GRAMD4: variants seen among roughly 807,000 people sequenced by gnomAD.
GRAMD4 encodes GRAM domain containing 4, also known as GRAM domain-containing protein 4.
Under a neutral mutation model 83.9 loss-of-function variants are expected in GRAMD4, and 25 were observed. The observed-to-expected ratio is 0.30, with a 90% CI of 0.22 to 0.42. The LOEUF is 0.42. Among genes scored for constraint, GRAMD4 ranks in the 10% least tolerant of loss-of-function variants. The probability of loss-of-function intolerance (pLI) is 1.00; values close to 1 mark genes in which losing one functional copy is unlikely to be tolerated. For synonymous variants in GRAMD4, 336 were observed against 320.9 expected, an observed-to-expected ratio of 1.05 and a Z score of -0.50; for missense variants, 593 against 788.7, an observed-to-expected ratio of 0.75 and a Z score of 2.97.
intron 4 of GRAMD4, among the ~76,000 whole-genome samples, chr22:46,658,802 C>T (rs1262918675): frequency 1.3e-5 from 2 of 150,670 alleles, no homozygotes; most frequent in Non-Finnish European, 2.9e-5. Flanking sequence ...ACGCTGTGGC[C>T]CCCGCCCCCC....
chr22:46,676,488 TG>T, intron 17 of GRAMD4, 111 bp from the exon 18 acceptor site: 1 of 867,150 alleles, frequency 1.2e-6, no homozygotes, highest in Non-Finnish European at 1.8e-6. Context: ...CAGGTGCCCG[TG>T]GGCCCTGCTG....
At chr22:46,601,516 A>G (rs966530601) in intron 1 of GRAMD4, among the ~76,000 whole-genome samples, 1 of 151,814 alleles carries the variant, frequency 6.6e-6, no homozygotes, top group African/African-American at 2.4e-5. Context: ...TAAAAATTAG[A>G]TCAGGTGCAG....
downstream of GRAMD4, chr22:46,682,314 C>T (rs1289546192): frequency 1.9e-6 from 1 of 516,510 alleles, no homozygotes; most frequent in African/African-American, 2.1e-5. Context: ...GCATCGCAAG[C>T]TAGGGGAAAT....
chr22:46,606,922 G>T (rs1324277343), intron 1 of GRAMD4, among the ~76,000 whole-genome samples: 5 of 152,210 alleles, frequency 3.3e-5, no homozygotes, highest in African/African-American at 1.2e-4. Flanking sequence ...GTTCTGTTTT[G>T]AATTTTTTGA....
In GRAMD4 at chr22:46,672,720, C is replaced by G. The variant is rs1032972819; in HGVS notation, c.1085-123C>G. 22 of 728,916 alleles carry G rather than the reference C, an allele frequency of 3.0e-5. No homozygotes were observed. In the African/African-American group the frequency reaches 3.9e-4, roughly 13 times the overall value. The allele number at this position is 728,916 out of a possible 1,614,324, so 45.2% of individuals were successfully genotyped here. On this transcript the variant is annotated intron_variant, in intron 13 of 18. Coordinates refer to ENST00000406902, the MANE Select transcript of GRAMD4 (RefSeq NM_015124.5). This position sits in a 1 kb window ranked among gnomAD's most constrained non-coding sequence, Gnocchi z 4.7. ...AGGACTGAGCGAGCAGCTGGACTCT[C>G]ACATCCAGGCTCAGGGTGGAGGGTG...
At chr22:46,646,593 G>C (rs1042329707) in intron 3 of GRAMD4, among the ~76,000 whole-genome samples, 2 of 152,230 alleles carry the variant, frequency 1.3e-5, no homozygotes, top group Non-Finnish European at 2.9e-5. Context: ...GCTGGCGGGG[G>C]TGTCCTTTTG....
intron 4 of GRAMD4, among the ~76,000 whole-genome samples, chr22:46,660,710 C>CGTGCCCTGT (rs2082314123): frequency 6.6e-6 from 1 of 152,214 alleles, no homozygotes; most frequent in Admixed American, 6.5e-5. Flanking sequence ...CTTACCTGGC[C>CGTGCCCTGT]GTGCCCTGTG....
intron 3 of GRAMD4, among the ~76,000 whole-genome samples, chr22:46,646,424 C>A (rs2082073886): frequency 6.6e-6 from 1 of 152,192 alleles, no homozygotes; most frequent in Non-Finnish European, 1.5e-5. Flanking sequence ...CTTCCTGAGG[C>A]CTGCAGACCT....
intron 3 of GRAMD4, among the ~76,000 whole-genome samples, chr22:46,656,052 C>G (rs907843507): frequency 6.6e-6 from 1 of 152,106 alleles, no homozygotes. Context: ...CCCAGTGCCC[C>G]CCACCCCAGC....
intron 15 of GRAMD4, 62 bp downstream of exon 15, chr22:46,673,876 G>C: frequency 6.4e-7 from 1 of 1,572,342 alleles, no homozygotes; most frequent in Non-Finnish European, 8.7e-7. Flanking sequence ...GCCCGTGAGG[G>C]GGGCGCTGTG....
At chr22:46,665,847 A>C in intron 9 of GRAMD4, 141 bp downstream of exon 9, 5 of 588,832 alleles carry the variant, frequency 8.5e-6, no homozygotes, top group South Asian at 2.0e-5. Flanking sequence ...GGCTCCAGAG[A>C]CCCCCCAGGC....
chr22:46,639,650 GC>G (rs990196839), intron 3 of GRAMD4, among the ~76,000 whole-genome samples: 10 of 151,960 alleles, frequency 6.6e-5, no homozygotes, highest in African/African-American at 2.4e-4. Flanking sequence ...GCGTGTGCAT[GC>G]CCGTGTGCAG....
chr22:46,597,929 A>G (rs2081278148), intron 1 of GRAMD4, among the ~76,000 whole-genome samples: 1 of 152,094 alleles, frequency 6.6e-6, no homozygotes, highest in Admixed American at 6.6e-5. Context: ...CCTTTAGAGC[A>G]CTGTACAAGG....
At chr22:46,682,672 A>AC (rs1347973991), downstream of GRAMD4, among the ~76,000 whole-genome samples, 2 of 151,818 alleles carry the variant, frequency 1.3e-5, no homozygotes, top group Non-Finnish European at 2.9e-5. Context: ...TATCGCGAAC[A>AC]CCCCCCAAAA....
chr22:46,599,529 C>G (rs1479344817), intron 1 of GRAMD4, among the ~76,000 whole-genome samples: 1 of 151,936 alleles, frequency 6.6e-6, no homozygotes, highest in Admixed American at 6.6e-5. Flanking sequence ...GTTTCACCCT[C>G]TTGGCCAGGC....
At chr22:46,582,181 CAG>C (rs758963674) in intron 1 of GRAMD4, among the ~76,000 whole-genome samples, 5 of 152,242 alleles carry the variant, frequency 3.3e-5, no homozygotes, top group East Asian at 3.9e-4. Context: ...TCCAAGGAGG[CAG>C]AGCGTGGGGC....
chr22:46,626,945 A>G lies in GRAMD4; in HGVS notation c.146A>G (p.Glu49Gly). ...CCGCGGACCTCGCCCCGGGACAGCG[A>G]GGAGCTGAGGGACCCTGTGAGTACC... ...KVPRTSPRDS[E>G]ELRDPAGPGT... Residue 49 changes from glutamate (E) to glycine (G), a missense_variant, in exon 2 of 19, where the codon GAG becomes GGG. Coordinates refer to ENST00000406902, the MANE Select transcript of GRAMD4 (RefSeq NM_015124.5). The G allele has an allele frequency of 6.2e-7, 1 of 1,613,388 alleles. No individual in the cohort carries two copies. Among genetic ancestry groups the G allele is most frequent in the Non-Finnish European group, 8.5e-7 (1 of 1,179,354 alleles).
At chr22:46,664,235 C>T in intron 8 of GRAMD4, 118 bp downstream of exon 8, 1 of 742,972 alleles carries the variant, frequency 1.3e-6, no homozygotes, top group South Asian at 1.5e-5. Context: ...TTCCTCAGGC[C>T]CCAGGGACAT....
rs571278824 is a variant in GRAMD4, at chr22:46,663,735, C to T, written c.600-103C>T. The stretch of plus-strand genomic sequence containing the variant: ...CTCAAGGGGTCCCAGGCTGTTGAGA[C>T]GTCCTCCCTGGCCCCTGCAGAGCCA... On this transcript the variant is annotated intron_variant, in intron 6 of 18. Transcript: ENST00000406902. 79 of 1,121,578 alleles carry T rather than the reference C, an allele frequency of 7.0e-5. No individual in the cohort carries two copies. The Admixed American group carries it at 1.0e-3, about 14-fold the overall frequency. 69.5% of individuals were successfully genotyped at this position (1,121,578 alleles called of 1,614,324 possible). A position where few individuals can be genotyped will look rare whatever the true frequency, so the allele number is the denominator to read the frequency against.
Sources: allele counts gnomAD v4.1 joint callset (sites outside exome capture counted in the v4.1 genomes callset), GRCh38; gene constraint gnomAD v4.1.1; non-coding constraint Gnocchi (gnomAD v3.1); transcripts MANE v1.5; gene names NCBI Gene and HGNC (gene_info 2026-07-23, HGNC 2026-07-21).